The following CDKN2B-AS1 variants were observed in gnomAD, a reference collection of about 807,000 sequenced individuals.
CDKN2B-AS1 encodes the protein CDKN2B and CDKN2A antisense cis and trans regulatory RNA 1.
intron 4 of CDKN2B-AS1, among the ~76,000 whole-genome samples, chr9:22,109,460 A>G (rs1358218623): frequency 6.6e-6 from 1 of 152,208 alleles, no homozygotes; most frequent in Non-Finnish European, 1.5e-5. Flanking sequence ...AGTGCCTAGT[A>G]CAGAGCTTTT....
intron 4 of CDKN2B-AS1, chr9:22,120,663 A>G (rs908896262): frequency 1.3e-5 from 2 of 152,188 alleles, no homozygotes; most frequent in African/African-American, 4.8e-5. Context: ...AGAAAGGTAA[A>G]CATGTGGATA....
intron 4 of CDKN2B-AS1, among the ~76,000 whole-genome samples, chr9:22,103,235 C>A (rs1459296186): frequency 1.3e-5 from 2 of 150,426 alleles, no homozygotes; most frequent in African/African-American, 4.9e-5. Context: ...TCCCACATAT[C>A]CCAACTATGA....
chr9:22,046,672 AG>A (rs1290072908), intron 1 of CDKN2B-AS1: 2 of 152,182 alleles, frequency 1.3e-5, no homozygotes, highest in Non-Finnish European at 2.9e-5. Context: ...AAGAGGGATT[AG>A]GAAATATCTG....
chr9:22,087,142 A>G (rs1824892752), intron 4 of CDKN2B-AS1, among the ~76,000 whole-genome samples: 1 of 152,194 alleles, frequency 6.6e-6, no homozygotes, highest in African/African-American at 2.4e-5. Flanking sequence ...TGTTTGATTT[A>G]GATATGGAGA....
At chr9:22,108,699 C>T (rs1825724776) in intron 4 of CDKN2B-AS1, among the ~76,000 whole-genome samples, 1 of 152,250 alleles carries the variant, frequency 6.6e-6, no homozygotes, top group South Asian at 2.1e-4. Flanking sequence ...AAAAAGTCTC[C>T]CAAATGGATT....
Position 22,000,986 on chromosome 9 carries a change from T to C in CDKN2B-AS1, n.29+5825T>C, listed in dbSNP as rs1820895528. On this transcript the variant is annotated intron_variant and non_coding_transcript_variant, in intron 1 of 4. Transcript: ENST00000650946. This position sits in a 1 kb window ranked among gnomAD's most constrained non-coding sequence, Gnocchi z 4.1. The stretch of plus-strand genomic sequence containing the variant: ...TGGCGCAGAAAGAAGTGGAATGGAA[T>C]TATCAGGGAGACCCAGTTTTTAGCC... Among the ~76,000 whole-genome samples the C allele has an allele frequency of 6.6e-6, 1 of 152,074 alleles. No homozygotes were observed. The highest frequency in any genetic ancestry group is 2.4e-5 in the African/African-American group (1 of 41,434).
rs531661590 is a variant in CDKN2B-AS1 at position 22,000,156 on chromosome 9, T to C, written n.29+4995T>C. Among the ~76,000 whole-genome samples the C allele has an allele frequency of 9.9e-4, 151 of 152,218 alleles. No homozygotes were observed. Among genetic ancestry groups the C allele is most frequent in the African/African-American group, 3.3e-3 (138 of 41,546 alleles). On this transcript the variant is annotated intron_variant and non_coding_transcript_variant, in intron 1 of 4. Coordinates refer to ENST00000650946, the Ensembl canonical transcript of CDKN2B-AS1. This position sits in a 1 kb window ranked among gnomAD's most constrained non-coding sequence, Gnocchi z 4.1. ...TGTAGACCTGGAGCTGATCAACAAG[T>C]CTAAATGTTAAAACATCCTCACGGG...
intron 1 of CDKN2B-AS1, among the ~76,000 whole-genome samples, chr9:22,036,644 A>C (rs937510693): frequency 1.3e-5 from 2 of 152,126 alleles, no homozygotes; most frequent in African/African-American, 4.8e-5. Flanking sequence ...AAAAAGATTT[A>C]TGTTTGCCTT....
At chr9:22,048,677 C>T (rs1470941283) in intron 2 of CDKN2B-AS1, among the ~76,000 whole-genome samples, 1 of 152,018 alleles carries the variant, frequency 6.6e-6, no homozygotes, top group African/African-American at 2.4e-5. Context: ...AAAAGTACAA[C>T]AAATGAGTGA....
intron 3 of CDKN2B-AS1, among the ~76,000 whole-genome samples, chr9:22,051,045 A>G (rs536797889): frequency 2.0e-5 from 3 of 152,284 alleles, no homozygotes; most frequent in East Asian, 3.9e-4. Context: ...CATATTGTCT[A>G]CTTGGTTTTC....
At chr9:22,037,258 A>T (rs930226962) in intron 1 of CDKN2B-AS1, among the ~76,000 whole-genome samples, 1 of 152,094 alleles carries the variant, frequency 6.6e-6, no homozygotes. Context: ...TAAAGAAGAA[A>T]AATGGGGTTT....
intron 1 of CDKN2B-AS1, among the ~76,000 whole-genome samples, chr9:22,024,832 G>T (rs1453036188): frequency 6.6e-6 from 1 of 152,184 alleles, no homozygotes; most frequent in African/African-American, 2.4e-5. Context: ...GGGCTGTCTT[G>T]CTGGAGTTCT....
chr9:22,005,112 ATGTGTGTG>A lies in CDKN2B-AS1; in HGVS notation n.29+9974_29+9981del, dbSNP rs3028393. On this transcript the variant is annotated intron_variant and non_coding_transcript_variant, in intron 1 of 4. Transcript: ENST00000650946. This position sits in a 1 kb window ranked among gnomAD's most constrained non-coding sequence, Gnocchi z 4.9. ...CATAAGGGGATTTCCGCATCCTAGCATGTGTGTGTGTGTGTGTGTGTGTGTGTGTGAAA... is the reference window on the plus strand; with the variant it reads ...CATAAGGGGATTTCCGCATCCTAGCATGTGTGTGTGTGTGTGTGTGTGAAA... 174 of 225,486 alleles carry A rather than the reference ATGTGTGTG, an allele frequency of 7.7e-4. No individual in the cohort carries two copies. The highest frequency in any genetic ancestry group is 1.3e-3 in the Middle Eastern group (1 of 772). The allele number at this position is 225,486 out of a possible 1,614,324, so 14.0% of individuals were successfully genotyped here. A position where few individuals can be genotyped will look rare whatever the true frequency, so the allele number is the denominator to read the frequency against.
chr9:22,118,455 C>T (rs943920586), intron 4 of CDKN2B-AS1: 7 of 152,092 alleles, frequency 4.6e-5, no homozygotes, highest in Admixed American at 1.3e-4. Context: ...ATAAGCCACT[C>T]GAGACAACAA....
chr9:22,078,759 A>T (rs1824587056), intron 4 of CDKN2B-AS1, among the ~76,000 whole-genome samples: 1 of 152,228 alleles, frequency 6.6e-6, no homozygotes, highest in Admixed American at 6.5e-5. Flanking sequence ...CTTCTTCATT[A>T]GGAGTAAAAT....
At chr9:22,023,761 T>G (rs549360379) in intron 1 of CDKN2B-AS1, among the ~76,000 whole-genome samples, 1 of 152,318 alleles carries the variant, frequency 6.6e-6, no homozygotes, top group East Asian at 1.9e-4. Context: ...TACACATTTT[T>G]GTGGCCTGTT....
rs1359747968 is a variant in CDKN2B-AS1, at chr9:22,039,781, G to A, written n.30-6970G>A. Among the ~76,000 whole-genome samples, 2 of 151,804 alleles carry A rather than the reference G, an allele frequency of 1.3e-5. No individual in the cohort carries two copies. The highest frequency in any genetic ancestry group is 4.8e-5 in the African/African-American group (2 of 41,368). ...AAATTTTTTCATTCCATTTGTTATG[G>A]GCTGAATTGTGTTCCCCCGAAATGA... On this transcript the variant is annotated intron_variant and non_coding_transcript_variant, in intron 1 of 4. Coordinates refer to ENST00000650946, the Ensembl canonical transcript of CDKN2B-AS1. The surrounding 1 kb of genome is among the most constrained non-coding windows in gnomAD (Gnocchi z 4.4).
At chr9:22,038,558 T>C (rs139358499) in intron 1 of CDKN2B-AS1, among the ~76,000 whole-genome samples, 1 of 152,122 alleles carries the variant, frequency 6.6e-6, no homozygotes, top group East Asian at 1.9e-4. Context: ...ATACTTGGGA[T>C]GGATATTACT....
intron 2 of CDKN2B-AS1, among the ~76,000 whole-genome samples, chr9:22,048,317 T>C (rs528367584): frequency 4.6e-5 from 7 of 152,246 alleles, no homozygotes; most frequent in African/African-American, 1.7e-4. Flanking sequence ...CTGGTTAAAG[T>C]GCTCATACCA....
Sources: gnomAD v4.1 joint callset for allele counts (sites outside exome capture counted in the v4.1 genomes callset) on GRCh38, gnomAD v4.1.1 for gene constraint, Gnocchi (gnomAD v3.1) non-coding constraint, MANE v1.5 for transcripts, NCBI Gene and HGNC (gene_info 2026-07-23, HGNC 2026-07-21) for gene names.